The following SDK2 variants were observed in gnomAD, a reference collection of about 807,000 sequenced individuals.
The protein encoded by SDK2 is protein sidekick-2.
SDK2 carries 105 observed loss-of-function variants against 253.9 expected under a neutral mutation model. That is an observed-to-expected ratio of 0.41 (90% CI 0.35 to 0.49). The LOEUF (loss-of-function observed/expected upper bound fraction) is 0.49. Among genes scored for constraint, SDK2 ranks in the 20% least tolerant of loss-of-function variants. The pLI is 0.06. For missense variants in SDK2, 2,608 were observed against 3,003.0 expected (o/e 0.87, Z 3.07); for synonymous variants, 1,249 against 1,234.9 (o/e 1.01, Z -0.24).
At chr17:73,360,228 C>G (rs576799387) in intron 39 of SDK2, among the ~76,000 whole-genome samples, 28 of 152,332 alleles carry the variant, frequency 1.8e-4, no homozygotes, top group African/African-American at 6.7e-4. Context: ...GGCTCCTGGG[C>G]TGCCTCCTGC....
In SDK2 at chr17:73,622,359, C is replaced by T. The variant is rs1463967216; in HGVS notation, c.64+21666G>A. On this transcript the variant is annotated intron_variant, in intron 1 of 44. Transcript: ENST00000392650. The stretch of plus-strand genomic sequence containing the variant: ...TGCATGTGCAGATTTCAGCTGATTC[C>T]CCAAGCCCGATGCAGAGGTCTCTCC... 2.6e-5 allele frequency among the ~76,000 whole-genome samples: 4 copies of T among 152,234 alleles called. No individual in the cohort carries two copies. The East Asian group carries it at 7.7e-4, about 29-fold the overall frequency.
chr17:73,457,276 TTCCTTCCTTCCC>T (rs2063534128), intron 3 of SDK2, among the ~76,000 whole-genome samples: 1 of 35,830 alleles, frequency 2.8e-5, no homozygotes, highest in African/African-American at 1.7e-4. Context: ...CCTTCCTTCC[TTCCTTCCTTCCC>T]CCCTCCCTCC....
At chr17:73,430,670 GA>G (rs2063319913) in intron 11 of SDK2, 57 bp from the exon 12 acceptor site, 1 of 1,189,606 alleles carries the variant, frequency 8.4e-7, no homozygotes, top group African/African-American at 1.6e-5. Flanking sequence ...TGTGTGGCTG[GA>G]CTCTGGGTGG....
rs1321590697 is a variant in SDK2 at position 73,447,385 on chromosome 17, G to T, written c.613+230C>A. On this transcript the variant is annotated intron_variant, in intron 5 of 44. Coordinates refer to ENST00000392650, the MANE Select transcript of SDK2 (RefSeq NM_001144952.2). This position sits in a 1 kb window ranked among gnomAD's most constrained non-coding sequence, Gnocchi z 4.0. ...CTAAGCATCCTCTCTACCGATGCAG[G>T]ATCTCAGGCGTGTCATGGGAACGGG... Among the ~76,000 whole-genome samples, 1 of 152,078 alleles carries T rather than the reference G, an allele frequency of 6.6e-6. No individual in the cohort carries two copies. The highest frequency in any genetic ancestry group is 2.4e-5 in the African/African-American group (1 of 41,412).
intron 12 of SDK2, among the ~76,000 whole-genome samples, chr17:73,428,440 C>A (rs1471603249): frequency 6.6e-6 from 1 of 152,140 alleles, no homozygotes; most frequent in Non-Finnish European, 1.5e-5. Context: ...CACCCCTGCA[C>A]CTGGCTTTGC....
At chr17:73,349,633 C>T (rs183529569) in intron 43 of SDK2, among the ~76,000 whole-genome samples, 49 of 152,324 alleles carry the variant, frequency 3.2e-4, no homozygotes, top group Non-Finnish European at 1.5e-4. Context: ...GCTGTGCTTG[C>T]ACCACGAGCC....
chr17:73,386,458 GGTCA>G lies in SDK2; in HGVS notation c.4481_4484del (p.Leu1494ProfsTer16), dbSNP rs1568376243. ...AGGGGTACTGACCAGCCTGCAGGGT[GGTCA>G]GTGACTCCGACTCCTCGCTGAACTC... On this transcript the variant is annotated frameshift_variant, in exon 31 of 45. Transcript: ENST00000392650. LOFTEE classifies it high-confidence loss of function. 1 of 1,556,328 alleles carries G rather than the reference GGTCA, an allele frequency of 6.4e-7. No individual in the cohort carries two copies. The highest frequency in any genetic ancestry group is 8.7e-7 in the Non-Finnish European group (1 of 1,149,342).
intron 5 of SDK2, among the ~76,000 whole-genome samples, chr17:73,445,542 A>G (rs2063447163): frequency 6.6e-6 from 1 of 152,056 alleles, no homozygotes; most frequent in African/African-American, 2.4e-5. Context: ...TAGGGTCCCT[A>G]TAAAGAGGTG....
rs80289990 is a variant in SDK2, at chr17:73,388,237, C to A, written c.4193-200G>T. 5.5e-3 allele frequency among the ~76,000 whole-genome samples: 839 copies of A among 152,290 alleles called. 28 individuals are homozygous for A. The East Asian group carries it at 0.086, about 16-fold the overall frequency. On this transcript the variant is annotated intron_variant, in intron 29 of 44. Coordinates refer to ENST00000392650, the MANE Select transcript of SDK2 (RefSeq NM_001144952.2). Reference sequence around the variant, plus strand: ...ACCCCTCTCCTGGTTAGAGGCCCACCCTCAGGCTCCTAGAGCCCCAGGGCC... The same window carrying A: ...ACCCCTCTCCTGGTTAGAGGCCCACACTCAGGCTCCTAGAGCCCCAGGGCC...
At chr17:73,617,159 C>A (rs1228328171) in intron 1 of SDK2, among the ~76,000 whole-genome samples, 1 of 147,538 alleles carries the variant, frequency 6.8e-6, no homozygotes, top group East Asian at 2.0e-4. Context: ...AGAAGCTTCC[C>A]GCAGAGAGGA....
intron 36 of SDK2, among the ~76,000 whole-genome samples, chr17:73,378,800 T>C (rs1471070257): frequency 6.6e-6 from 1 of 152,132 alleles, no homozygotes; most frequent in Non-Finnish European, 1.5e-5. Flanking sequence ...ATATCAATAT[T>C]GTAATTATGG....
At chr17:73,539,455 GGA>G (rs2044830638) in intron 1 of SDK2, among the ~76,000 whole-genome samples, 1 of 151,526 alleles carries the variant, frequency 6.6e-6, no homozygotes, top group Admixed American at 6.6e-5. Context: ...GAGGCCAGCA[GGA>G]GAGGGAGGGC....
In SDK2 at chr17:73,628,917, C is replaced by A. The variant is rs190914844; in HGVS notation, c.64+15108G>T. ...CAGATGTGGATCTGGGGTGTCCATG[C>A]CCAGACCCCCCTGGACGTGAGCTGG... On this transcript the variant is annotated intron_variant, in intron 1 of 44. Coordinates refer to ENST00000392650, the MANE Select transcript of SDK2 (RefSeq NM_001144952.2). 8.4e-3 allele frequency among the ~76,000 whole-genome samples: 1,274 copies of A among 152,246 alleles called. 16 individuals are homozygous for A. Among genetic ancestry groups the A allele is most frequent in the African/African-American group, 0.029 (1,224 of 41,550 alleles).
intron 32 of SDK2, among the ~76,000 whole-genome samples, chr17:73,384,314 GGAGCA>G (rs2145480664): frequency 6.6e-6 from 1 of 152,252 alleles, no homozygotes; most frequent in East Asian, 1.9e-4. Context: ...ATTGGGGCCT[GGAGCA>G]CACAGCTGTT....
chr17:73,557,817 C>T (rs2045168049), intron 1 of SDK2, among the ~76,000 whole-genome samples: 1 of 152,162 alleles, frequency 6.6e-6, no homozygotes, highest in Admixed American at 6.5e-5. Flanking sequence ...ACAGGAGTTC[C>T]TTAAACTCTG....
In SDK2 at chr17:73,383,878, G is replaced by A. The variant is rs757185853; in HGVS notation, c.4703C>T (p.Thr1568Ile). 1 of 1,613,942 alleles carries A rather than the reference G, an allele frequency of 6.2e-7. No homozygotes were observed. Among genetic ancestry groups the A allele is most frequent in the Admixed American group, 1.7e-5 (1 of 60,018 alleles). ...NNPGATWAELTSMYSMRNLSR... is the reference protein window; with the variant it reads ...NNPGATWAELISMYSMRNLSR... Reference sequence around the variant, plus strand: ...TCTGGCTCCCAAGTGTCACTCACAGGTAAGCTCAGCCCATGTGGCCCCTGG... The same window carrying A: ...TCTGGCTCCCAAGTGTCACTCACAGATAAGCTCAGCCCATGTGGCCCCTGG... The change falls in exon 33 of 45, where the codon ACC becomes ATC. Residue 1568 changes from threonine (T) to isoleucine (I), a missense_variant and splice_region_variant. By Grantham distance (89) the Thr-to-Ile change is moderately conservative (BLOSUM62 -1). This residue lies in a region of SDK2 where 1,103 missense variants were observed against 1,143.9 expected (regional missense o/e 0.96). Coordinates refer to ENST00000392650, the MANE Select transcript of SDK2 (RefSeq NM_001144952.2). This position sits in a 1 kb window ranked among gnomAD's most constrained non-coding sequence, Gnocchi z 4.3.
At chr17:73,605,618 G>A (rs1346371910) in intron 1 of SDK2, among the ~76,000 whole-genome samples, 1 of 152,122 alleles carries the variant, frequency 6.6e-6, no homozygotes, top group Admixed American at 6.5e-5. Context: ...ACCTCCTCCA[G>A]GAAGGCCTCC....
intron 4 of SDK2, among the ~76,000 whole-genome samples, chr17:73,451,167 G>T (rs936174423): frequency 1.1e-4 from 16 of 152,250 alleles, no homozygotes; most frequent in African/African-American, 3.6e-4. Flanking sequence ...CAACTTGGAA[G>T]GTTGTGTGCT....
Position 73,456,026 on chromosome 17 carries a change from T to C in SDK2, c.359A>G (p.Lys120Arg). Reference protein sequence around the residue: ...AYMGSFEEGEKHQSVSHGEAA... With the variant: ...AYMGSFEEGERHQSVSHGEAA... ...TTCTCCGTGGGAGACGCTCTGGTGC[T>C]TCTCACCTTCCTCAAAGCTCCCCAT... Residue 120 changes from lysine to arginine, a missense_variant, in exon 4 of 45, where the codon AAG becomes AGG. By Grantham distance (26) the Lys-to-Arg change is conservative (BLOSUM62 2). Around this residue, in one of 2 missense-constraint regions of SDK2, gnomAD observed 1,505 missense variants for 1,859.1 expected, o/e 0.81. Coordinates refer to ENST00000392650, the MANE Select transcript of SDK2 (RefSeq NM_001144952.2). The C allele has an allele frequency of 6.5e-7, 1 of 1,528,512 alleles. No individual in the cohort carries two copies. The highest frequency in any genetic ancestry group is 8.8e-7 in the Non-Finnish European group (1 of 1,133,566). 94.7% of individuals were successfully genotyped at this position (1,528,512 alleles called of 1,614,324 possible).
Sources: allele counts gnomAD v4.1 joint callset (sites outside exome capture counted in the v4.1 genomes callset), GRCh38; gene constraint gnomAD v4.1.1; regional missense constraint gnomAD v4.1.1; non-coding constraint Gnocchi (gnomAD v3.1); transcripts MANE v1.5; gene names NCBI Gene and HGNC (gene_info 2026-07-23, HGNC 2026-07-21).